MEI4: variants seen among roughly 807,000 people sequenced by gnomAD.
The protein encoded by MEI4 is meiotic double-stranded break formation protein 4.
In MEI4, 27 loss-of-function variants were observed where a neutral mutation model predicts 31.4. That is an observed-to-expected ratio of 0.86 (90% CI 0.63 to 1.19). The LOEUF is 1.19. Among genes scored for constraint, MEI4 ranks in the 50% most tolerant of loss-of-function variants. The probability of loss-of-function intolerance (pLI) is 0.00; values close to 1 mark genes in which losing one functional copy is unlikely to be tolerated. For synonymous variants in MEI4, 122 were observed against 145.4 expected (o/e 0.84, Z 1.16); for missense variants, 329 against 398.9 (o/e 0.82, Z 1.49).
At chr6:77,733,542 C>A (rs1002566403) in intron 2 of MEI4, among the ~76,000 whole-genome samples, 4 of 151,820 alleles carry the variant, frequency 2.6e-5, no homozygotes, top group Non-Finnish European at 4.4e-5. Flanking sequence ...GTCTTGCTAG[C>A]GGTTTATCAG....
Position 77,829,079 on chromosome 6 carries a change from A to G in MEI4, c.900+17A>G. ...ATCAATCAGGTACACATAACTTGAA[A>G]CTGTAGTTCTCATATATAGTTATTG... is the stretch of plus-strand genomic sequence containing the variant. On this transcript the variant is annotated intron_variant, in intron 4 of 4. Transcript: ENST00000684080. 2 of 1,230,090 alleles carry G rather than the reference A, an allele frequency of 1.6e-6. No individual in the cohort carries two copies. The highest frequency in any genetic ancestry group is 1.6e-5 in the African/African-American group (1 of 64,414). The allele number at this position is 1,230,090 out of a possible 1,614,324, so 76.2% of individuals were successfully genotyped here.
chr6:77,800,004 T>G (rs533541067), intron 3 of MEI4, among the ~76,000 whole-genome samples: 86 of 152,254 alleles, frequency 5.6e-4, no homozygotes, highest in Non-Finnish European at 1.1e-3. Context: ...ATATGAACTT[T>G]AAAGTAGTTT....
intron 4 of MEI4, among the ~76,000 whole-genome samples, chr6:77,892,614 G>A (rs1476653740): frequency 6.6e-6 from 1 of 152,112 alleles, no homozygotes; most frequent in African/African-American, 2.4e-5. Context: ...GCTGTAGTGA[G>A]TGCATTCTAT....
intron 2 of MEI4, among the ~76,000 whole-genome samples, chr6:77,734,089 A>G (rs1767102385): frequency 2.0e-5 from 3 of 152,010 alleles, no homozygotes; most frequent in Non-Finnish European, 4.4e-5. Context: ...TGGTGCTGAA[A>G]AAAATGTATA....
chr6:77,813,242 T>C (rs1384467162), intron 3 of MEI4, among the ~76,000 whole-genome samples: 2 of 152,126 alleles, frequency 1.3e-5, no homozygotes, highest in African/African-American at 4.8e-5. Flanking sequence ...GCTTTATTGC[T>C]TAGTAGTTTG....
chr6:77,830,959 A>G (rs1251683031), intron 4 of MEI4, among the ~76,000 whole-genome samples: 1 of 152,058 alleles, frequency 6.6e-6, no homozygotes, highest in Non-Finnish European at 1.5e-5. Flanking sequence ...AGCCAAGTGA[A>G]GAGACAACCC....
At position 77,923,346 on chromosome 6, in the gene MEI4, A is replaced by T. The variant is rs1766756369; in HGVS notation, c.1158A>T (p.Ter386TyrextTer10). The part of the protein sequence containing the change: ...SSAQIETLRK[*>Y] Reference sequence around the variant, plus strand: ...CACAGATAGAAACTCTTAGAAAATAACTCCATTCCTTAGCAATTTACCACG... The same window carrying T: ...CACAGATAGAAACTCTTAGAAAATATCTCCATTCCTTAGCAATTTACCACG... Residue 386 changes from the stop codon to tyrosine (Y), a stop_lost, in exon 5 of 5, where the codon TAA becomes TAT. Coordinates refer to ENST00000684080, the MANE Select transcript of MEI4 (RefSeq NM_001322247.2). The T allele has an allele frequency of 1.6e-6, 2 of 1,229,610 alleles. No individual in the cohort carries two copies. Among genetic ancestry groups the T allele is most frequent in the Non-Finnish European group, 2.0e-6 (2 of 986,204 alleles). The allele number at this position is 1,229,610 out of a possible 1,614,324, so 76.2% of individuals were successfully genotyped here. A position where few individuals can be genotyped will look rare whatever the true frequency, so the allele number is the denominator to read the frequency against.
At chr6:77,805,410 A>G (rs552058722) in intron 3 of MEI4, among the ~76,000 whole-genome samples, 1 of 152,162 alleles carries the variant, frequency 6.6e-6, no homozygotes, top group Non-Finnish European at 1.5e-5. Context: ...TAGATATTAT[A>G]CCATATAAAA....
intron 3 of MEI4, among the ~76,000 whole-genome samples, chr6:77,800,128 C>A (rs1769206674): frequency 6.6e-6 from 1 of 152,144 alleles, no homozygotes; most frequent in Non-Finnish European, 1.5e-5. Flanking sequence ...TACCCATGAG[C>A]ATGGAATGTT....
At chr6:77,898,234 CT>C (rs1766123954) in intron 4 of MEI4, among the ~76,000 whole-genome samples, 1 of 151,914 alleles carries the variant, frequency 6.6e-6, no homozygotes, top group Admixed American at 6.6e-5. Flanking sequence ...ACTTCATCCC[CT>C]TAGAATTCAG....
At chr6:77,732,839 A>T (rs1281075119) in intron 2 of MEI4, among the ~76,000 whole-genome samples, 26 of 152,050 alleles carry the variant, frequency 1.7e-4, no homozygotes, top group Admixed American at 1.0e-3. Flanking sequence ...TAGCATGAAG[A>T]GTTGTTGAAT....
At chr6:77,743,551 G>A (rs913579658) in intron 2 of MEI4, among the ~76,000 whole-genome samples, 5 of 152,124 alleles carry the variant, frequency 3.3e-5, no homozygotes, top group South Asian at 2.1e-4. Context: ...TAGATATACA[G>A]TCATGTCATC....
intron 4 of MEI4, among the ~76,000 whole-genome samples, chr6:77,919,015 A>G (rs758221663): frequency 1.9e-4 from 29 of 152,022 alleles, no homozygotes; most frequent in African/African-American, 6.5e-4. Flanking sequence ...TGAGTGACAT[A>G]CAAAGAGACT....
At chr6:77,690,002 C>T (rs1163717290) in intron 1 of MEI4, among the ~76,000 whole-genome samples, 2 of 151,944 alleles carry the variant, frequency 1.3e-5, no homozygotes, top group Non-Finnish European at 2.9e-5. Context: ...GACTGTGACA[C>T]ACTGTTGGTT....
intron 3 of MEI4, among the ~76,000 whole-genome samples, chr6:77,769,380 G>A (rs1226970535): frequency 6.6e-6 from 1 of 152,086 alleles, no homozygotes; most frequent in Non-Finnish European, 1.5e-5. Flanking sequence ...CTGCCACCAT[G>A]GGCTAAAGTG....
In MEI4 at chr6:77,808,912, A is replaced by G. The variant is rs559161222; in HGVS notation, c.769-20019A>G. On this transcript the variant is annotated intron_variant, in intron 3 of 4. Coordinates refer to ENST00000684080, the MANE Select transcript of MEI4 (RefSeq NM_001322247.2). The stretch of plus-strand genomic sequence containing the variant: ...GGTCATTATACTCCTGCATTGATCA[A>G]TTCTGGAATGTGGGCCATTCTATGA... Among the ~76,000 whole-genome samples the G allele has an allele frequency of 5.3e-5, 8 of 152,240 alleles. No homozygotes were observed. In the South Asian group the frequency reaches 8.3e-4, roughly 16 times the overall value.
upstream of MEI4, among the ~76,000 whole-genome samples, chr6:77,650,399 C>A (rs1562191667): frequency 6.6e-6 from 1 of 152,344 alleles, no homozygotes; most frequent in East Asian, 1.9e-4. Flanking sequence ...GGGACCTGCT[C>A]CCTCACTTCC....
intron 2 of MEI4, among the ~76,000 whole-genome samples, chr6:77,708,366 T>C (rs945592708): frequency 6.6e-6 from 1 of 152,246 alleles, no homozygotes; most frequent in Non-Finnish European, 1.5e-5. Flanking sequence ...AATGGGAACC[T>C]GTACCATACA....
At chr6:77,657,442 C>T (rs1768418025) in intron 1 of MEI4, among the ~76,000 whole-genome samples, 1 of 151,630 alleles carries the variant, frequency 6.6e-6, no homozygotes, top group Admixed American at 6.6e-5. Flanking sequence ...AATCTGGAAG[C>T]AAGCCCTTCA....
Sources: allele counts gnomAD v4.1 joint callset (sites outside exome capture counted in the v4.1 genomes callset), GRCh38; gene constraint gnomAD v4.1.1; transcripts MANE v1.5; gene names NCBI Gene and HGNC (gene_info 2026-07-23, HGNC 2026-07-21).